Variants in RNLS observed in about 807,000 individuals in gnomAD.
The protein encoded by RNLS is renalase.
RNLS carries 39 observed loss-of-function variants against 39.8 expected under a neutral mutation model. The observed-to-expected ratio is 0.98, with a 90% CI of 0.76 to 1.28. The LOEUF (loss-of-function observed/expected upper bound fraction) is 1.28. Among genes scored for constraint, RNLS ranks in the 50% most tolerant of loss-of-function variants. The probability of loss-of-function intolerance (pLI) is 0.00; values close to 1 mark genes in which losing one functional copy is unlikely to be tolerated. For synonymous variants in RNLS, 147 were observed against 150.7 expected (o/e 0.98, Z 0.18); for missense variants, 410 against 413.3 (o/e 0.99, Z 0.07).
chr10:88,292,360 T>C lies in RNLS; in HGVS notation c.877-6854A>G, dbSNP rs17110722. On this transcript the variant is annotated intron_variant, in intron 6 of 6. Transcript: ENST00000331772. Reference sequence around the variant, plus strand: ...TAACATGGTAGAAAACCAGCAATTCTTTAAGCCATTGGAACAGCCACTATT... The same window carrying C: ...TAACATGGTAGAAAACCAGCAATTCCTTAAGCCATTGGAACAGCCACTATT... Among the ~76,000 whole-genome samples the C allele has an allele frequency of 7.7e-3, 1,176 of 151,970 alleles. 13 individuals are homozygous for C. Among genetic ancestry groups the C allele is most frequent in the African/African-American group, 0.027 (1,103 of 41,404 alleles).
chr10:88,281,796 C>A (rs1309829193), downstream of RNLS, among the ~76,000 whole-genome samples: 1 of 152,018 alleles, frequency 6.6e-6, no homozygotes, highest in African/African-American at 2.4e-5. Flanking sequence ...ATATTAAAAC[C>A]TGGAAGTACA....
intron 4 of RNLS, among the ~76,000 whole-genome samples, chr10:88,532,413 T>C (rs1847484669): frequency 6.6e-6 from 1 of 152,036 alleles, no homozygotes; most frequent in South Asian, 2.1e-4. Context: ...AAATAAATGA[T>C]TGATTTTTCC....
chr10:88,203,341 T>G, the RNLS span, among the ~76,000 whole-genome samples: 1 of 13,566 alleles, frequency 7.4e-5, no homozygotes, highest in Non-Finnish European at 1.6e-4. Flanking sequence ...TATATACACG[T>G]ATGTGTATAT....
intron 4 of RNLS, among the ~76,000 whole-genome samples, chr10:88,454,267 A>G (rs1209294130): frequency 6.6e-6 from 1 of 152,228 alleles, no homozygotes; most frequent in Non-Finnish European, 1.5e-5. Flanking sequence ...AATGACTATC[A>G]GATTTGATAA....
At chr10:88,250,632 T>C in the RNLS span, among the ~76,000 whole-genome samples, 1 of 152,244 alleles carries the variant, frequency 6.6e-6, no homozygotes, top group Non-Finnish European at 1.5e-5. Flanking sequence ...TCTCTATTTT[T>C]ATTTCCTGAT....
rs539788950 is a variant in RNLS, at chr10:88,536,932, ATTG to A, written c.526+35968_526+35970del. 2.2e-3 allele frequency among the ~76,000 whole-genome samples: 334 copies of A among 152,278 alleles called. 1 individual carries two copies. Among genetic ancestry groups the A allele is most frequent in the African/African-American group, 7.7e-3 (320 of 41,564 alleles). On this transcript the variant is annotated intron_variant, in intron 4 of 6. Coordinates refer to ENST00000331772, the MANE Select transcript of RNLS (RefSeq NM_001031709.3). ...CCACTGGTCTTTATCCAATTTGTTT[ATTG>A]TTGTATACTCTGCTCAAGGTGAGTT...
At chr10:88,356,291 C>G (rs1367027235) in intron 5 of RNLS, among the ~76,000 whole-genome samples, 3 of 152,184 alleles carry the variant, frequency 2.0e-5, no homozygotes, top group African/African-American at 7.2e-5. Flanking sequence ...GCAGAAATCA[C>G]CTGTCTTCTG....
chr10:88,486,433 T>C (rs1844527704), intron 4 of RNLS, among the ~76,000 whole-genome samples: 1 of 151,744 alleles, frequency 6.6e-6, no homozygotes, highest in Non-Finnish European at 1.5e-5. Context: ...GTAAACAGCC[T>C]ACAGAATGGG....
At chr10:88,333,317 C>G (rs1857265435) in intron 5 of RNLS, among the ~76,000 whole-genome samples, 1 of 152,028 alleles carries the variant, frequency 6.6e-6, no homozygotes, top group Non-Finnish European at 1.5e-5. Context: ...AAAAGTTATT[C>G]AAACATGATG....
the RNLS span, among the ~76,000 whole-genome samples, chr10:88,248,483 G>A: frequency 6.6e-6 from 1 of 152,166 alleles, no homozygotes; most frequent in Non-Finnish European, 1.5e-5. Context: ...GCAGGTAAGA[G>A]GGCCAAGATC....
chr10:88,426,740 AAGACAGTAAGGAG>A (rs1400927828), intron 4 of RNLS, among the ~76,000 whole-genome samples: 1 of 151,958 alleles, frequency 6.6e-6, no homozygotes, highest in African/African-American at 2.4e-5. Flanking sequence ...CAAGGCACCA[AAGACAGTAAGGAG>A]GAGGAGCCAG....
intron 4 of RNLS, among the ~76,000 whole-genome samples, chr10:88,368,169 A>C (rs1442257889): frequency 1.3e-5 from 2 of 151,962 alleles, no homozygotes; most frequent in Non-Finnish European, 2.9e-5. Flanking sequence ...TTAAAGTAAT[A>C]GGCAGCCAGG....
chr10:88,538,528 G>A (rs1411976771), intron 4 of RNLS, among the ~76,000 whole-genome samples: 2 of 151,532 alleles, frequency 1.3e-5, no homozygotes, highest in East Asian at 3.9e-4. Flanking sequence ...AGTAAAACTT[G>A]AAAGAAATAA....
chr10:88,259,141 A>G, the RNLS span: 3 of 152,238 alleles, frequency 2.0e-5, no homozygotes, highest in Non-Finnish European at 4.4e-5. Flanking sequence ...AGCACACAGG[A>G]GTTGGCTAAG....
chr10:88,581,742 T>A, intron 2 of RNLS, 33 bp from the exon 3 acceptor site: 1 of 1,400,618 alleles, frequency 7.1e-7, no homozygotes, highest in Non-Finnish European at 9.6e-7. Flanking sequence ...TTTAATGTAA[T>A]TATATACCAT....
intron 4 of RNLS, among the ~76,000 whole-genome samples, chr10:88,368,603 G>A (rs73343624): frequency 0.018 from 2,695 of 151,960 alleles, 76 homozygotes; most frequent in African/African-American, 0.061. Context: ...TTTGCGTACC[G>A]AATTTCTGCT....
the RNLS span, among the ~76,000 whole-genome samples, chr10:88,194,557 T>C: frequency 6.6e-6 from 1 of 152,170 alleles, no homozygotes; most frequent in Non-Finnish European, 1.5e-5. Context: ...CATTCACTGG[T>C]AGAGTCAGAA....
At chr10:88,381,006 T>G (rs1439489159) in intron 4 of RNLS, among the ~76,000 whole-genome samples, 1 of 152,220 alleles carries the variant, frequency 6.6e-6, no homozygotes, top group Non-Finnish European at 1.5e-5. Flanking sequence ...TGTTTGATCA[T>G]TACTACAAAA....
intron 6 of RNLS, among the ~76,000 whole-genome samples, chr10:88,292,241 T>A (rs183176452): frequency 1.3e-5 from 2 of 150,460 alleles, no homozygotes; most frequent in Admixed American, 1.3e-4. Flanking sequence ...AAATATGATC[T>A]AGGATGCTGC....
Sources: gnomAD v4.1 joint callset for allele counts (sites outside exome capture counted in the v4.1 genomes callset) on GRCh38, gnomAD v4.1.1 for gene constraint, MANE v1.5 for transcripts, NCBI Gene and HGNC (gene_info 2026-07-23, HGNC 2026-07-21) for gene names.